Variants in NXPH1 observed in about 807,000 individuals in gnomAD.
NXPH1 encodes the protein neurexophilin 1.
Under a neutral mutation model 23.7 loss-of-function variants are expected in NXPH1, and 5 were observed. The ratio of observed to expected loss-of-function variants is 0.21; its 90% CI spans 0.11 to 0.44. The LOEUF is 0.44. NXPH1 is among the 20% of genes least tolerant of loss of function. NXPH1 has a pLI of 0.99. For missense variants in NXPH1, 324 were observed against 321.6 expected, an observed-to-expected ratio of 1.01 and a Z score of -0.06; for synonymous variants, 144 against 122.2, an observed-to-expected ratio of 1.18 and a Z score of -1.18.
At chr7:8,689,373 C>G (rs1020608128) in intron 2 of NXPH1, among the ~76,000 whole-genome samples, 6 of 150,470 alleles carry the variant, frequency 4.0e-5, no homozygotes, top group Admixed American at 4.0e-4. Context: ...AAACATAGGA[C>G]ATATTCAAAT....
chr7:8,640,778 G>A (rs1353220248), intron 2 of NXPH1, among the ~76,000 whole-genome samples: 1 of 152,050 alleles, frequency 6.6e-6, no homozygotes, highest in Non-Finnish European at 1.5e-5. Context: ...ACAACATAGG[G>A]AGACCTCATG....
At chr7:8,452,887 T>C (rs1427469319) in intron 2 of NXPH1, among the ~76,000 whole-genome samples, 1 of 152,112 alleles carries the variant, frequency 6.6e-6, no homozygotes, top group Non-Finnish European at 1.5e-5. Flanking sequence ...AACTGGATCC[T>C]TCTTGGTAAG....
At chr7:8,699,982 T>G (rs17154215) in intron 2 of NXPH1, among the ~76,000 whole-genome samples, 1 of 152,060 alleles carries the variant, frequency 6.6e-6, no homozygotes, top group Non-Finnish European at 1.5e-5. Flanking sequence ...TTAGGAAATA[T>G]TTCATGTGTT....
At chr7:8,687,025 T>A (rs2115180855) in intron 2 of NXPH1, among the ~76,000 whole-genome samples, 1 of 152,278 alleles carries the variant, frequency 6.6e-6, no homozygotes, top group South Asian at 2.1e-4. Context: ...ATTGTTCATA[T>A]AATGTAGTTT....
At chr7:8,527,893 T>C (rs1269677271) in intron 2 of NXPH1, among the ~76,000 whole-genome samples, 1 of 152,232 alleles carries the variant, frequency 6.6e-6, no homozygotes, top group Non-Finnish European at 1.5e-5. Flanking sequence ...ATTGATCAGA[T>C]AGATTTTAAT....
At chr7:8,563,021 T>C (rs1818474789) in intron 2 of NXPH1, among the ~76,000 whole-genome samples, 2 of 151,738 alleles carry the variant, frequency 1.3e-5, no homozygotes, top group South Asian at 2.1e-4. Context: ...AATTCTAACC[T>C]ATAAGCATAT....
chr7:8,710,640 G>GTTTTTTTTTTTTTT lies in NXPH1; in HGVS notation c.55-40362_55-40361insTTTTTTTTTTTTTT, dbSNP rs1368543367. Among the ~76,000 whole-genome samples the GTTTTTTTTTTTTTT allele has an allele frequency of 1.1e-4, 3 of 27,672 alleles. 1 individual carries two copies. 18.2% of individuals were successfully genotyped at this position (27,672 alleles called of 152,430 possible). On this transcript the variant is annotated intron_variant, in intron 2 of 2. Coordinates refer to ENST00000405863, the MANE Select transcript of NXPH1 (RefSeq NM_152745.3). ...TTGAACAAAGCATGTCAACTGTTAC[G>GTTTTTTTTTTTTTT]TTTTTTGTTTTTTTTTTTTTTTTTT...
intron 2 of NXPH1, among the ~76,000 whole-genome samples, chr7:8,725,134 T>C (rs1562466041): frequency 6.6e-6 from 1 of 152,196 alleles, no homozygotes; most frequent in Non-Finnish European, 1.5e-5. Flanking sequence ...AGTTTTCTTA[T>C]AGAAATAGTG....
intron 2 of NXPH1, among the ~76,000 whole-genome samples, chr7:8,495,986 G>C (rs1358803647): frequency 1.3e-5 from 2 of 152,064 alleles, no homozygotes; most frequent in African/African-American, 4.8e-5. Context: ...TGAAGGCACA[G>C]AGGGTTCCTG....
chr7:8,511,608 A>T (rs1478138946), intron 2 of NXPH1, among the ~76,000 whole-genome samples: 1 of 152,116 alleles, frequency 6.6e-6, no homozygotes, highest in Non-Finnish European at 1.5e-5. Context: ...CATTGTACCC[A>T]AAGGATTTGG....
chr7:8,746,864 C>CTT (rs35644956), intron 2 of NXPH1, among the ~76,000 whole-genome samples: 39 of 147,450 alleles, frequency 2.6e-4, no homozygotes, highest in African/African-American at 3.7e-4. Context: ...CCACAGCATG[C>CTT]TTTTTTTTTT....
At chr7:8,601,160 T>C (rs886803657) in intron 2 of NXPH1, among the ~76,000 whole-genome samples, 2 of 152,268 alleles carry the variant, frequency 1.3e-5, no homozygotes, top group East Asian at 3.9e-4. Flanking sequence ...GATGAGTTTA[T>C]ATACTTTTCC....
At chr7:8,597,575 C>A (rs1301456740) in intron 2 of NXPH1, among the ~76,000 whole-genome samples, 1 of 151,824 alleles carries the variant, frequency 6.6e-6, no homozygotes, top group Non-Finnish European at 1.5e-5. Context: ...CTCAGAGGAA[C>A]CAGTTTTAAA....
chr7:8,601,971 T>C (rs905777299), intron 2 of NXPH1, among the ~76,000 whole-genome samples: 12 of 152,254 alleles, frequency 7.9e-5, no homozygotes, highest in Admixed American at 3.9e-4. Flanking sequence ...AATACTTTTA[T>C]GACTTTCAAT....
chr7:8,641,447 G>T (rs1009832895), intron 2 of NXPH1, among the ~76,000 whole-genome samples: 11 of 150,760 alleles, frequency 7.3e-5, no homozygotes, highest in African/African-American at 2.2e-4. Flanking sequence ...CTATAAATCT[G>T]AACTTTTTTT....
chr7:8,751,591 A>T lies in NXPH1; in HGVS notation c.638A>T (p.Asp213Val). 3 of 1,613,490 alleles carry T rather than the reference A, an allele frequency of 1.9e-6. No individual in the cohort carries two copies. The highest frequency in any genetic ancestry group is 2.5e-6 in the Non-Finnish European group (3 of 1,179,730). Residue 213 changes from aspartate (D) to valine (V), a missense_variant, in exon 3 of 3, where the codon GAC becomes GTC. Transcript: ENST00000405863. The surrounding 1 kb of genome is among the most constrained non-coding windows in gnomAD (Gnocchi z 4.5). ...ACCAAGAACACACTCTGCAACTATG[A>T]CCCTTCAAAAACCTGTTACCAGGAG... is the stretch of plus-strand genomic sequence containing the variant. ...KATKNTLCNYDPSKTCYQEQT... is the reference protein window; with the variant it reads ...KATKNTLCNYVPSKTCYQEQT...
chr7:8,542,420 C>CA (rs997484129), intron 2 of NXPH1, among the ~76,000 whole-genome samples: 5 of 150,822 alleles, frequency 3.3e-5, no homozygotes, highest in East Asian at 3.9e-4. Flanking sequence ...AACAAGTAAG[C>CA]AAAAAAAATC....
At chr7:8,555,842 C>G (rs1259136748) in intron 2 of NXPH1, among the ~76,000 whole-genome samples, 3 of 151,694 alleles carry the variant, frequency 2.0e-5, no homozygotes, top group South Asian at 2.1e-4. Flanking sequence ...AAAAATCTGG[C>G]TTACATCTAA....
chr7:8,654,244 A>G (rs1413784503), intron 2 of NXPH1, among the ~76,000 whole-genome samples: 1 of 151,982 alleles, frequency 6.6e-6, no homozygotes, highest in African/African-American at 2.4e-5. Context: ...CAAGTAAGTC[A>G]TTTACCACAG....
Sources: allele counts gnomAD v4.1 joint callset (sites outside exome capture counted in the v4.1 genomes callset), GRCh38; gene constraint gnomAD v4.1.1; non-coding constraint Gnocchi (gnomAD v3.1); transcripts MANE v1.5; gene names NCBI Gene and HGNC (gene_info 2026-07-23, HGNC 2026-07-21).